The following REXO4 variants were observed in gnomAD, a reference collection of about 807,000 sequenced individuals.
The protein encoded by REXO4 is RNA exonuclease 4.
A neutral mutation model predicts 39.9 loss-of-function variants in REXO4; 29 were observed. The ratio of observed to expected loss-of-function variants is 0.73; its 90% CI spans 0.54 to 0.99. The LOEUF is 0.99. Ranked by LOEUF, REXO4 falls within the 50% of genes least tolerant of loss-of-function variation. The probability of loss-of-function intolerance (pLI) is 0.00; values close to 1 mark genes in which losing one functional copy is unlikely to be tolerated. For missense variants in REXO4, 524 were observed against 546.5 expected (o/e 0.96, Z 0.41); for synonymous variants, 184 against 206.2 (o/e 0.89, Z 0.92).
At chr9:133,415,333 CT>C (rs1427516679) in intron 1 of REXO4, among the ~76,000 whole-genome samples, 3 of 152,204 alleles carry the variant, frequency 2.0e-5, no homozygotes, top group Admixed American at 2.0e-4. Flanking sequence ...GACCACTTCC[CT>C]TTTCAGCTTA....
chr9:133,417,911 T>C lies in REXO4; in HGVS notation c.-67A>G. 6.8e-7 allele frequency: 1 copy of C among 1,478,820 alleles called. No individual in the cohort carries two copies. The highest frequency in any genetic ancestry group is 9.1e-7 in the Non-Finnish European group (1 of 1,102,614). The allele number at this position is 1,478,820 out of a possible 1,614,324, so 91.6% of individuals were successfully genotyped here. On this transcript the variant is annotated 5_prime_UTR_variant, in exon 1 of 8. Coordinates refer to ENST00000371942, the MANE Select transcript of REXO4 (RefSeq NM_020385.4). ...CCCGGCCTCCCCGGGCCCGGCGCCC[T>C]GGCAGCACAAGCGCCTGCCCAGGCC...
chr9:133,406,827 C>T lies in REXO4; in HGVS notation c.*126G>A. On this transcript the variant is annotated 3_prime_UTR_variant, in exon 8 of 8. Coordinates refer to ENST00000371942, the MANE Select transcript of REXO4 (RefSeq NM_020385.4). Reference sequence around the variant, plus strand: ...GAGGACCTTCTCAGTAGCACCACGCCACGCCCCTCTGCCATGATTCTGAAA... The same window carrying T: ...GAGGACCTTCTCAGTAGCACCACGCTACGCCCCTCTGCCATGATTCTGAAA... 1.4e-6 allele frequency: 2 copies of T among 1,408,042 alleles called. No individual in the cohort carries two copies. The highest frequency in any genetic ancestry group is 1.9e-6 in the Non-Finnish European group (2 of 1,026,380). The allele number at this position is 1,408,042 out of a possible 1,614,324, so 87.2% of individuals were successfully genotyped here. A position where few individuals can be genotyped will look rare whatever the true frequency, so the allele number is the denominator to read the frequency against.
chr9:133,415,252 G>A (rs1839508961), intron 1 of REXO4, among the ~76,000 whole-genome samples: 1 of 152,086 alleles, frequency 6.6e-6, no homozygotes, highest in South Asian at 2.1e-4. Flanking sequence ...TTTTGCACCT[G>A]CTCCTTCATG....
rs375068919 is a variant in REXO4, at chr9:133,414,500, GC to G, written c.572+164del. 47 of 737,310 alleles carry G rather than the reference GC, an allele frequency of 6.4e-5. No individual in the cohort carries two copies. In the African/African-American group the frequency reaches 6.5e-4, roughly 10 times the overall value. 45.7% of individuals were successfully genotyped at this position (737,310 alleles called of 1,614,324 possible). ...AGAAGCAGGCCCTGCCTTATCATGC[GC>G]ACACTCTAGGGGAAAACAAGTAACA... On this transcript the variant is annotated intron_variant, in intron 2 of 7. Transcript: ENST00000371942.
intron 3 of REXO4, 101 bp from the exon 4 acceptor site, chr9:133,412,593 G>C: frequency 7.0e-7 from 1 of 1,435,140 alleles, no homozygotes; most frequent in Non-Finnish European, 9.6e-7. Flanking sequence ...GCAGAGAAAA[G>C]CTCTCTGCCC....
Position 133,412,837 on chromosome 9 carries a change from C to T in REXO4, c.657G>A (p.Gln219=), listed in dbSNP as rs1554780560. ...GPEAAKIARK[Q]LGQSEGSVSL... is the part of the protein sequence containing the mutation. ...TGACGCTGCCCTCGCTCTGACCCAA[C>T]TGTTTCCTCGCTATCTTGGCCGCCT... Residue 219 remains glutamine, a synonymous_variant, in exon 3 of 8, where the codon CAG becomes CAA. Coordinates refer to ENST00000371942, the MANE Select transcript of REXO4 (RefSeq NM_020385.4). 1.9e-6 allele frequency: 3 copies of T among 1,613,994 alleles called. No individual in the cohort carries two copies. Among genetic ancestry groups the T allele is most frequent in the African/African-American group, 1.3e-5 (1 of 74,942 alleles).
chr9:133,417,806 C>T lies in REXO4; in HGVS notation c.39G>A (p.Pro13=), dbSNP rs367819874. ...GACCCGGCTTAGCCACGGGGCTGCTCGGGGCGCGCTTGGAGGCGGGGACCT... is the reference window on the plus strand; with the variant it reads ...GACCCGGCTTAGCCACGGGGCTGCTTGGGGCGCGCTTGGAGGCGGGGACCT... ...KAKVPASKRA[P]SSPVAKPGPV... The change falls in exon 1 of 8, where the codon CCG becomes CCA. Residue 13 remains proline, a synonymous_variant. Coordinates refer to ENST00000371942, the MANE Select transcript of REXO4 (RefSeq NM_020385.4). 178 of 1,606,694 alleles carry T rather than the reference C, an allele frequency of 1.1e-4. No individual in the cohort carries two copies. The Middle Eastern group carries it at 1.6e-3, about 14-fold the overall frequency.
intron 6 of REXO4, 79 bp from the exon 7 acceptor site, chr9:133,407,960 T>G: frequency 1.8e-5 from 21 of 1,159,270 alleles, no homozygotes; most frequent in Non-Finnish European, 2.4e-5. Flanking sequence ...AGGGAGCGGT[T>G]GGCTACTGAA....
In REXO4 at chr9:133,411,086, C is replaced by T; in HGVS notation, c.911-13G>A. On this transcript the variant is annotated splice_polypyrimidine_tract_variant and intron_variant, in intron 4 of 7. Transcript: ENST00000371942. ...TCAAGCTCTTCTCCTGGAAAATCAA[C>T]ACAAAGAAGCGGTTTTTTGCAACAC... is the stretch of plus-strand genomic sequence containing the variant. The T allele has an allele frequency of 6.2e-7, 1 of 1,612,792 alleles. No individual in the cohort carries two copies. The highest frequency in any genetic ancestry group is 8.5e-7 in the Non-Finnish European group (1 of 1,178,802).
intron 6 of REXO4, among the ~76,000 whole-genome samples, chr9:133,408,085 G>A (rs1839009868): frequency 6.6e-6 from 1 of 152,158 alleles, no homozygotes; most frequent in Non-Finnish European, 1.5e-5. Context: ...ACCCCTATCA[G>A]CCAATAAAAG....
intron 1 of REXO4, among the ~76,000 whole-genome samples, chr9:133,416,168 A>T (rs1839586961): frequency 6.6e-6 from 1 of 152,034 alleles, no homozygotes; most frequent in African/African-American, 2.4e-5. Context: ...GTGAAGGGGG[A>T]GCAGGTGTGT....
intron 2 of REXO4, 83 bp from the exon 3 acceptor site, chr9:133,413,004 T>C (rs1164631479): frequency 8.8e-6 from 13 of 1,470,034 alleles, no homozygotes; most frequent in Non-Finnish European, 1.1e-5. Flanking sequence ...ACTGTGCAGG[T>C]GAGTGGAGCG....
upstream of REXO4, chr9:133,418,047 G>C (rs1013278584): frequency 6.8e-6 from 4 of 584,156 alleles, no homozygotes; most frequent in Non-Finnish European, 9.0e-6. Flanking sequence ...GGAAGCGCTC[G>C]TCTCTCCACA....
chr9:133,407,679 CAA>C (rs1838975041), intron 7 of REXO4, 126 bp downstream of exon 7: 1 of 607,628 alleles, frequency 1.6e-6, no homozygotes, highest in Non-Finnish European at 2.8e-6. Flanking sequence ...TTTTTTTGAC[CAA>C]TAGCCTCGTA....
Position 133,406,464 on chromosome 9 carries a change from C to T in REXO4, c.*489G>A, listed in dbSNP as rs924137796. 4.9e-5 allele frequency: 8 copies of T among 162,184 alleles called. No homozygotes were observed. The highest frequency in any genetic ancestry group is 2.3e-4 in the Admixed American group (4 of 17,308). 10.0% of individuals were successfully genotyped at this position (162,184 alleles called of 1,614,324 possible). A position where few individuals can be genotyped will look rare whatever the true frequency, so the allele number is the denominator to read the frequency against. On this transcript the variant is annotated 3_prime_UTR_variant, in exon 8 of 8. Coordinates refer to ENST00000371942, the MANE Select transcript of REXO4 (RefSeq NM_020385.4). ...ACCCCTGATGTAACACCTGTTGTGCCGGCCAGCTGTGTCTCAGGAGCTGAC... is the reference window on the plus strand; with the variant it reads ...ACCCCTGATGTAACACCTGTTGTGCTGGCCAGCTGTGTCTCAGGAGCTGAC...
At position 133,417,992 on chromosome 9, in the gene REXO4, C is replaced by A. The variant is rs1464565159; in HGVS notation, c.-148G>T. ...GTCCAGGAAAAGACTCCGGAAGAGACCCCGCACGCGTTGCGCATACCTCAG... is the reference window on the plus strand; with the variant it reads ...GTCCAGGAAAAGACTCCGGAAGAGAACCCGCACGCGTTGCGCATACCTCAG... On this transcript the variant is annotated 5_prime_UTR_variant, in exon 1 of 8. Transcript: ENST00000371942. 4 of 706,210 alleles carry A rather than the reference C, an allele frequency of 5.7e-6. No homozygotes were observed. The highest frequency in any genetic ancestry group is 3.6e-5 in the African/African-American group (2 of 55,298). The allele number at this position is 706,210 out of a possible 1,614,324, so 43.7% of individuals were successfully genotyped here.
intron 6 of REXO4, 68 bp from the exon 7 acceptor site, chr9:133,407,949 C>T (rs587664567): frequency 2.3e-6 from 3 of 1,298,066 alleles, no homozygotes; most frequent in South Asian, 1.2e-5. Flanking sequence ...CCCCACCAAG[C>T]AGGGAGCGGT....
At chr9:133,417,212 T>G (rs950485021) in intron 1 of REXO4, among the ~76,000 whole-genome samples, 1 of 152,238 alleles carries the variant, frequency 6.6e-6, no homozygotes, top group Non-Finnish European at 1.5e-5. Context: ...ACACGGGGTT[T>G]CACCATGTTG....
chr9:133,415,152 AT>A, intron 1 of REXO4, 141 bp from the exon 2 acceptor site: 1 of 688,822 alleles, frequency 1.5e-6, no homozygotes, highest in East Asian at 2.7e-5. Flanking sequence ...ACTGAAATTC[AT>A]TTTCAAACGG....
Sources: gnomAD v4.1 joint callset for allele counts (sites outside exome capture counted in the v4.1 genomes callset) on GRCh38, gnomAD v4.1.1 for gene constraint, MANE v1.5 for transcripts, NCBI Gene and HGNC (gene_info 2026-07-23, HGNC 2026-07-21) for gene names.